ATP11A: variants seen among roughly 807,000 people sequenced by gnomAD.
ATP11A encodes the protein ATPase phospholipid transporting 11A, also known as phospholipid-transporting ATPase IH.
Under a neutral mutation model 154.4 loss-of-function variants are expected in ATP11A, and 81 were observed. The observed-to-expected ratio is 0.52, with a 90% CI of 0.44 to 0.63. ATP11A has a LOEUF of 0.63. Ranked by LOEUF, ATP11A falls within the 30% of genes least tolerant of loss-of-function variation. The pLI is 0.00. For missense variants in ATP11A, 1,316 were observed against 1,474.3 expected (o/e 0.89, Z 1.76); for synonymous variants, 623 against 585.9 (o/e 1.06, Z -0.91).
chr13:112,690,334 C>G lies in ATP11A; in HGVS notation c.-83C>G. 2.7e-6 allele frequency: 3 copies of G among 1,091,738 alleles called. No homozygotes were observed. The highest frequency in any genetic ancestry group is 3.4e-6 in the Non-Finnish European group (3 of 872,658). 67.6% of individuals were successfully genotyped at this position (1,091,738 alleles called of 1,614,324 possible). On this transcript the variant is annotated 5_prime_UTR_variant, in exon 1 of 30. Transcript: ENST00000375645. The surrounding 1 kb of genome is among the most constrained non-coding windows in gnomAD (Gnocchi z 5.6). ...CCGTGACCGGAGCGGGGGGCGCGGC[C>G]GCACTAGTACCCCGGAGCCCATGGG...
chr13:112,710,642 C>G (rs911739013), intron 1 of ATP11A, among the ~76,000 whole-genome samples: 4 of 152,238 alleles, frequency 2.6e-5, no homozygotes, highest in African/African-American at 9.6e-5. Context: ...GGGCTGCTCT[C>G]TGGTTCCAGG....
intron 1 of ATP11A, among the ~76,000 whole-genome samples, chr13:112,719,551 C>A (rs897128262): frequency 6.6e-6 from 1 of 152,148 alleles, no homozygotes. Context: ...GGGCAGCGTC[C>A]GTTCTACATA....
chr13:112,811,798 T>C (rs1454500384), intron 5 of ATP11A: 1 of 152,132 alleles, frequency 6.6e-6, no homozygotes, highest in African/African-American at 2.4e-5. Context: ...AGAGATGGGG[T>C]CTTAACAAAA....
intron 25 of ATP11A, among the ~76,000 whole-genome samples, chr13:112,865,069 A>G (rs79040125): frequency 0.026 from 1,345 of 52,098 alleles, no homozygotes; most frequent in Middle Eastern, 0.14. Flanking sequence ...TCCCAGCGGG[A>G]TCCATCACCA....
At chr13:112,738,795 G>A (rs550501113) in intron 1 of ATP11A, among the ~76,000 whole-genome samples, 96 of 152,036 alleles carry the variant, frequency 6.3e-4, no homozygotes, top group South Asian at 4.2e-3. Context: ...TCCCATAGAG[G>A]CTGTTTCTCC....
chr13:112,792,887 G>A, intron 2 of ATP11A, among the ~76,000 whole-genome samples: 1 of 152,320 alleles, frequency 6.6e-6, no homozygotes, highest in South Asian at 2.1e-4. Context: ...AGAATTAAAT[G>A]TTGGCTTAGA....
At chr13:112,721,361 A>G (rs1889154915) in intron 1 of ATP11A, among the ~76,000 whole-genome samples, 1 of 152,206 alleles carries the variant, frequency 6.6e-6, no homozygotes, top group African/African-American at 2.4e-5. Flanking sequence ...GGAAGGCTGA[A>G]AAGAGAAAAC....
At chr13:112,714,264 C>T (rs955471474) in intron 1 of ATP11A, among the ~76,000 whole-genome samples, 1 of 151,902 alleles carries the variant, frequency 6.6e-6, no homozygotes, top group Non-Finnish European at 1.5e-5. Context: ...ACCGATTTTC[C>T]TTCCCCGATT....
intron 1 of ATP11A, among the ~76,000 whole-genome samples, chr13:112,721,712 G>A (rs953201714): frequency 6.6e-6 from 1 of 152,230 alleles, no homozygotes; most frequent in Non-Finnish European, 1.5e-5. Flanking sequence ...GGCTTCCCGG[G>A]GTCATGAACC....
chr13:112,722,616 C>G (rs1401278233), intron 1 of ATP11A, among the ~76,000 whole-genome samples: 1 of 152,186 alleles, frequency 6.6e-6, no homozygotes, highest in Non-Finnish European at 1.5e-5. Context: ...TTCAGGATAA[C>G]TTTGGAGTGC....
Position 112,854,262 on chromosome 13 carries a change from G to T in ATP11A, c.1992-17G>T. 6.2e-7 allele frequency: 1 copy of T among 1,613,140 alleles called. No homozygotes were observed. The highest frequency in any genetic ancestry group is 8.5e-7 in the Non-Finnish European group (1 of 1,179,478). On this transcript the variant is annotated splice_polypyrimidine_tract_variant and intron_variant, in intron 18 of 29. Coordinates refer to ENST00000375645, the MANE Select transcript of ATP11A (RefSeq NM_015205.3). ...ACTGACTTTTCTCTATGCTGTGTTT[G>T]GTTTTGCCTCCCTCAGGCTGCAGGA...
At chr13:112,829,598 C>T (rs2079035472) in intron 12 of ATP11A, among the ~76,000 whole-genome samples, 1 of 152,122 alleles carries the variant, frequency 6.6e-6, no homozygotes, top group African/African-American at 2.4e-5. Context: ...CCACAGCTGG[C>T]AATGGAGAAA....
intron 28 of ATP11A, 98 bp from the exon 29 acceptor site, chr13:112,878,119 T>TG (rs1216643396): frequency 3.1e-5 from 35 of 1,133,236 alleles, no homozygotes; most frequent in Non-Finnish European, 4.5e-5. Context: ...TTGTTTCTCT[T>TG]TCCTTCCCAT....
chr13:112,808,488 T>A (rs1042177722), intron 4 of ATP11A, among the ~76,000 whole-genome samples: 1 of 54,958 alleles, frequency 1.8e-5, no homozygotes, highest in Non-Finnish European at 3.9e-5. Context: ...CCCCTCGACC[T>A]TCCCCCACTA....
intron 1 of ATP11A, among the ~76,000 whole-genome samples, chr13:112,769,977 C>G (rs983924419): frequency 6.6e-6 from 1 of 151,902 alleles, no homozygotes. Context: ...ATGAAATCAG[C>G]GTTACGTTTG....
At chr13:112,856,123 C>T (rs777506352) in intron 20 of ATP11A, 38 bp downstream of exon 20, 22 of 1,582,380 alleles carry the variant, frequency 1.4e-5, no homozygotes, top group Middle Eastern at 2.3e-4. Flanking sequence ...GTGGTCAGGG[C>T]GTCCAAAACA....
At chr13:112,877,155 C>T (rs9549596) in intron 28 of ATP11A, among the ~76,000 whole-genome samples, 26,582 of 152,126 alleles carry the variant, frequency 0.17, 3,000 homozygotes, top group Admixed American at 0.26. Flanking sequence ...CGCAGCAGAA[C>T]GTGCCAGTTG....
chr13:112,819,376 G>A lies in ATP11A; in HGVS notation c.643G>A (p.Glu215Lys), dbSNP rs779258751. The A allele has an allele frequency of 4.5e-5, 73 of 1,614,062 alleles. No individual in the cohort carries two copies. Among genetic ancestry groups the A allele is most frequent in the Non-Finnish European group, 5.8e-5 (68 of 1,180,042 alleles). Residue 215 changes from glutamate (E) to lysine (K), a missense_variant, in exon 7 of 30, where the codon GAG (glutamate) becomes AAG (lysine). Physicochemically the swap from Glu to Lys is moderately conservative, Grantham distance 56 (BLOSUM62 1). Around this residue, in one of 5 missense-constraint regions of ATP11A, gnomAD observed 876 missense variants for 1,006.8 expected, o/e 0.87. Coordinates refer to ENST00000375645, the MANE Select transcript of ATP11A (RefSeq NM_015205.3). ...EDIGGLHATI[E>K]CEQPQPDLYK... Reference sequence around the variant, plus strand: ...TATCGGCGGACTTCACGCCACCATCGAGTGTGAGCAGCCCCAGCCCGACCT... The same window carrying A: ...TATCGGCGGACTTCACGCCACCATCAAGTGTGAGCAGCCCCAGCCCGACCT...
At chr13:112,719,025 A>G (rs1888835380) in intron 1 of ATP11A, among the ~76,000 whole-genome samples, 2 of 152,160 alleles carry the variant, frequency 1.3e-5, no homozygotes, top group Non-Finnish European at 2.9e-5. Context: ...TTAGGATTTC[A>G]ACGATGGCTT....
Sources: allele counts gnomAD v4.1 joint callset (sites outside exome capture counted in the v4.1 genomes callset), GRCh38; gene constraint gnomAD v4.1.1; regional missense constraint gnomAD v4.1.1; non-coding constraint Gnocchi (gnomAD v3.1); transcripts MANE v1.5; gene names NCBI Gene and HGNC (gene_info 2026-07-23, HGNC 2026-07-21).